ACAP3: variants seen among roughly 807,000 people sequenced by gnomAD.
The protein encoded by ACAP3 is arf-GAP with coiled-coil, ANK repeat and PH domain-containing protein 3.
In ACAP3, 56 loss-of-function variants were observed where a neutral mutation model predicts 104.1. The observed-to-expected ratio is 0.54, with a 90% CI of 0.43 to 0.67. The LOEUF is 0.67. Among genes scored for constraint, ACAP3 ranks in the 30% least tolerant of loss-of-function variants. The pLI, the probability that ACAP3 is intolerant of heterozygous loss-of-function variation, is 0.00. For synonymous variants in ACAP3, 628 were observed against 496.2 expected (o/e 1.27, Z -3.53); for missense variants, 1,208 against 1,174.9 (o/e 1.03, Z -0.41).
intron 1 of ACAP3, 143 bp downstream of exon 1, chr1:1,307,626 C>T: frequency 1.1e-6 from 1 of 947,578 alleles, no homozygotes; most frequent in Non-Finnish European, 1.3e-6. Context: ...GCGGGGCCGC[C>T]GCTTTGTCCG....
rs566561735 is a variant in ACAP3 at position 1,303,137 on chromosome 1, G to A, written c.225+25C>T. 9.5e-6 allele frequency: 15 copies of A among 1,579,982 alleles called. No individual in the cohort carries two copies. The highest frequency in any genetic ancestry group is 1.3e-5 in the African/African-American group (1 of 74,408). ...GGCCTCTCCCCCAACCCCACCTTGA[G>A]GTCAGAGGTCAGTCGGCCCCTCACC... On this transcript the variant is annotated intron_variant, in intron 3 of 23. Transcript: ENST00000354700. The surrounding 1 kb of genome is among the most constrained non-coding windows in gnomAD (Gnocchi z 4.0).
At chr1:1,296,306 C>T in intron 15 of ACAP3, 26 bp from the exon 16 acceptor site, 1 of 1,551,734 alleles carries the variant, frequency 6.4e-7, no homozygotes, top group Non-Finnish European at 8.7e-7. Flanking sequence ...AGGGATGAGT[C>T]TGGGGGAGGC....
At chr1:1,307,222 C>T (rs556977016) in intron 1 of ACAP3, 6 of 1,287,212 alleles carry the variant, frequency 4.7e-6, no homozygotes, top group East Asian at 5.6e-5. Context: ...AACATGCAGA[C>T]TCGGTGTGCA....
chr1:1,298,860 C>T, intron 10 of ACAP3, 181 bp from the exon 11 acceptor site: 2 of 603,940 alleles, frequency 3.3e-6, no homozygotes, highest in Non-Finnish European at 5.8e-6. Context: ...GAGCAAGGCC[C>T]CCAGCCCTGC....
rs1640996017 is a variant in ACAP3, at chr1:1,294,128, C to G, written c.2211G>C (p.Arg737=). ...GCAGCGTGGCGTGGTGCAGGGGCGC[C>G]CGGCCCCGGCTGTCTCTTTGGTTCA... ...ADVNQRDSRG[R]APLHHATLLG... Residue 737 remains arginine (R), a synonymous_variant, in exon 22 of 24, where the codon CGG becomes CGC. Transcript: ENST00000354700. 1.3e-6 allele frequency: 2 copies of G among 1,591,058 alleles called. No individual in the cohort carries two copies. The highest frequency in any genetic ancestry group is 8.6e-7 in the Non-Finnish European group (1 of 1,169,056).
chr1:1,295,327 GC>G, intron 19 of ACAP3, 119 bp downstream of exon 19: 2 of 875,816 alleles, frequency 2.3e-6, no homozygotes, highest in Non-Finnish European at 3.5e-6. Flanking sequence ...TGGCCAGGAG[GC>G]CCCCCGCCCC....
Position 1,297,825 on chromosome 1 carries a change from G to C in ACAP3, c.1125C>G (p.Ser375Arg), listed in dbSNP as rs770216341. Residue 375 changes from serine to arginine, a missense_variant, in exon 14 of 24, where the codon AGC (serine) becomes AGG (arginine). Physicochemically the swap from Ser to Arg is moderately radical, Grantham distance 110. Coordinates refer to ENST00000354700, the MANE Select transcript of ACAP3 (RefSeq NM_030649.3). ...GCAGGGGCACCAAGGGCCACACCTCGCTATAGCAACTGTCAGGGCTCTCGC... is the reference window on the plus strand; with the variant it reads ...GCAGGGGCACCAAGGGCCACACCTCCCTATAGCAACTGTCAGGGCTCTCGC... ...AYRESPDSCY[S>R]ERLDRTASPS... is the part of the protein sequence containing the mutation. The C allele has an allele frequency of 1.2e-6, 2 of 1,610,930 alleles. No individual in the cohort carries two copies. The highest frequency in any genetic ancestry group is 1.7e-6 in the Non-Finnish European group (2 of 1,178,932).
chr1:1,296,868 C>T (rs528865188), intron 14 of ACAP3, among the ~76,000 whole-genome samples: 232 of 152,168 alleles, frequency 1.5e-3, no homozygotes, highest in Non-Finnish European at 2.3e-3. Flanking sequence ...GCCGAGCACA[C>T]GCCCGCACAC....
Position 1,300,076 on chromosome 1 carries a change from G to A in ACAP3, c.568-8C>T. The A allele has an allele frequency of 6.2e-7, 1 of 1,612,058 alleles. No homozygotes were observed. The highest frequency in any genetic ancestry group is 1.1e-5 in the South Asian group (1 of 90,998). ...GTGCATGAAGGACAGCATCTGCGGG[G>A]GCAGCACAGGTGAGGCCCAAGCACA... is the stretch of plus-strand genomic sequence containing the variant. On this transcript the variant is annotated splice_polypyrimidine_tract_variant and splice_region_variant and intron_variant, in intron 7 of 23. Transcript: ENST00000354700.
chr1:1,300,724 T>G, intron 5 of ACAP3, 32 bp from the exon 6 acceptor site: 1 of 1,589,052 alleles, frequency 6.3e-7, no homozygotes, highest in Non-Finnish European at 8.5e-7. Flanking sequence ...GGGTGAGAGA[T>G]CAGGGAGGGC....
chr1:1,296,148 T>G, intron 16 of ACAP3, 39 bp from the exon 17 acceptor site: 1 of 1,610,498 alleles, frequency 6.2e-7, no homozygotes, highest in Non-Finnish European at 8.5e-7. Context: ...AGTGCGAACC[T>G]GCAGACCCCA....
Position 1,298,698 on chromosome 1 carries a change from C to A in ACAP3, c.751-19G>T, listed in dbSNP as rs369386511. On this transcript the variant is annotated intron_variant, in intron 10 of 23. Coordinates refer to ENST00000354700, the MANE Select transcript of ACAP3 (RefSeq NM_030649.3). ...AGAAGTCCTGGGGGGATGGAACCCG[C>A]CCCCTCAGTGCCCACCCCAGGGGCC... is the stretch of plus-strand genomic sequence containing the variant. The A allele has an allele frequency of 1.1e-3, 1,668 of 1,587,072 alleles. 16 individuals are homozygous for A. The highest frequency in any genetic ancestry group is 9.5e-3 in the South Asian group (859 of 90,538).
At chr1:1,299,808 G>A (rs1041161492) in intron 9 of ACAP3, 23 bp downstream of exon 9, 26 of 1,538,828 alleles carry the variant, frequency 1.7e-5, no homozygotes, top group African/African-American at 2.7e-5. Flanking sequence ...CTGGTGTGCA[G>A]GGAGCCGGCT....
At chr1:1,294,381 C>G in intron 21 of ACAP3, 21 bp downstream of exon 21, 1 of 1,558,274 alleles carries the variant, frequency 6.4e-7, no homozygotes, top group Non-Finnish European at 8.7e-7. Flanking sequence ...GTCCTGCGCG[C>G]AGCCCCCGTG....
chr1:1,301,984 T>C lies in ACAP3; in HGVS notation c.338+4A>G. 1 of 1,564,112 alleles carries C rather than the reference T, an allele frequency of 6.4e-7. No individual in the cohort carries two copies. On this transcript the variant is annotated splice_donor_region_variant and intron_variant, in intron 5 of 23. Coordinates refer to ENST00000354700, the MANE Select transcript of ACAP3 (RefSeq NM_030649.3). ...TTCTTCCCCCAGCCCTGGGGGCCAC[T>C]CACTCTTTGACAAAGCTCTGGAGCT... is the stretch of plus-strand genomic sequence containing the variant.
intron 19 of ACAP3, 131 bp from the exon 20 acceptor site, chr1:1,294,947 G>T: frequency 1.3e-6 from 1 of 799,924 alleles, no homozygotes; most frequent in Non-Finnish European, 2.0e-6. Flanking sequence ...CCCACCCAGG[G>T]CCGGGGGGAG....
In ACAP3 at chr1:1,299,975, C is replaced by G. The variant is rs12409951; in HGVS notation, c.661G>C (p.Glu221Gln). The G allele has an allele frequency of 1.2e-5, 19 of 1,608,866 alleles. No homozygotes were observed. The highest frequency in any genetic ancestry group is 1.5e-5 in the Non-Finnish European group (18 of 1,177,052). ...CCCCACCCCTCCCAAAGGCTCACCT[C>G]GGCTGCCAGCTTCTTCATGTAGGGG... ...LDPYMKKLAA[E>Q]LDQLVIDSAV... The change falls in exon 8 of 24, where the codon GAG (glutamate) becomes CAG (glutamine). Residue 221 changes from glutamate to glutamine, a missense_variant and splice_region_variant. Transcript: ENST00000354700.
chr1:1,298,906 G>A (rs531777527), intron 10 of ACAP3: 1 of 572,864 alleles, frequency 1.7e-6, no homozygotes, highest in Non-Finnish European at 3.1e-6. Context: ...TCACAGCTGG[G>A]GGCCCGAGAG....
intron 19 of ACAP3, 182 bp from the exon 20 acceptor site, chr1:1,294,998 C>G: frequency 3.3e-6 from 2 of 613,862 alleles, no homozygotes; most frequent in Non-Finnish European, 5.7e-6. Context: ...AACCAAATAA[C>G]AGCTCAAAGG....
Sources: gnomAD v4.1 joint callset for allele counts (sites outside exome capture counted in the v4.1 genomes callset) on GRCh38, gnomAD v4.1.1 for gene constraint, Gnocchi (gnomAD v3.1) non-coding constraint, MANE v1.5 for transcripts, NCBI Gene and HGNC (gene_info 2026-07-23, HGNC 2026-07-21) for gene names.